IFT46: variants seen among roughly 807,000 people sequenced by gnomAD.
The protein encoded by IFT46 is intraflagellar transport 46, also known as intraflagellar transport protein 46 homolog.
A neutral mutation model predicts 39.6 loss-of-function variants in IFT46; 19 were observed. That is an observed-to-expected ratio of 0.48 (90% CI 0.33 to 0.70). The LOEUF (loss-of-function observed/expected upper bound fraction) is 0.70. Ranked by LOEUF, IFT46 falls within the 30% of genes least tolerant of loss-of-function variation. The pLI is 0.01. For synonymous variants in IFT46, 117 were observed against 134.8 expected (o/e 0.87, Z 0.91); for missense variants, 334 against 364.8 (o/e 0.92, Z 0.69).
upstream of IFT46, among the ~76,000 whole-genome samples, chr11:118,567,577 A>G (rs1205027064): frequency 2.0e-5 from 3 of 152,206 alleles, no homozygotes; most frequent in Non-Finnish European, 4.4e-5. Flanking sequence ...CTCCGTCTCA[A>G]AATAATAATA....
At chr11:118,571,024 T>G (rs1393330877), upstream of IFT46, among the ~76,000 whole-genome samples, 1 of 152,134 alleles carries the variant, frequency 6.6e-6, no homozygotes, top group Admixed American at 6.6e-5. Flanking sequence ...TCTAGGATCA[T>G]GCCACCATGC....
At chr11:118,568,689 C>T (rs1323079124), upstream of IFT46, among the ~76,000 whole-genome samples, 1 of 151,354 alleles carries the variant, frequency 6.6e-6, no homozygotes, top group East Asian at 2.0e-4. Flanking sequence ...TTTTTTGAGA[C>T]AGGGTCTCAC....
chr11:118,558,635 G>T (rs1463729990), intron 3 of IFT46, among the ~76,000 whole-genome samples: 2 of 152,006 alleles, frequency 1.3e-5, no homozygotes, highest in African/African-American at 4.8e-5. Flanking sequence ...CAGCCATCAG[G>T]CTGGGTACAG....
chr11:118,556,795 A>C, intron 4 of IFT46, 111 bp downstream of exon 4: 7 of 1,306,278 alleles, frequency 5.4e-6, no homozygotes, highest in South Asian at 2.0e-5. Context: ...TCCTAAATAC[A>C]GGAGATCAAA....
At chr11:118,568,569 T>TA (rs1938276093), upstream of IFT46, among the ~76,000 whole-genome samples, 1 of 151,886 alleles carries the variant, frequency 6.6e-6, no homozygotes, top group Admixed American at 6.6e-5. Flanking sequence ...AAATAAATAA[T>TA]AAATAAATAA....
At chr11:118,552,172 G>A (rs782051220) in intron 8 of IFT46, 42 bp downstream of exon 8, 2 of 1,610,368 alleles carry the variant, frequency 1.2e-6, no homozygotes, top group Admixed American at 3.3e-5. Flanking sequence ...GGTAGTGAAG[G>A]TTACTATGTG....
At chr11:118,557,694 C>T in intron 3 of IFT46, 1 of 1,608,766 alleles carries the variant, frequency 6.2e-7, no homozygotes. Context: ...TACACATTCT[C>T]TCTCAAGATA....
exon 1 of IFT46, chr11:118,572,756 G>C: frequency 1.9e-6 from 1 of 519,556 alleles, no homozygotes; most frequent in Non-Finnish European, 3.4e-6. Context: ...CTGTCGTCGT[G>C]CCCGCTTCCG....
At chr11:118,547,744 C>CTTTTTTTTTTTTTTTT (rs1233612951) in intron 9 of IFT46, among the ~76,000 whole-genome samples, 19 of 91,186 alleles carry the variant, frequency 2.1e-4, no homozygotes, top group South Asian at 5.6e-4. Flanking sequence ...CTTTTCTTTT[C>CTTTTTTTTTTTTTTTT]TTTTTTTTTT....
upstream of IFT46, among the ~76,000 whole-genome samples, chr11:118,570,426 A>C (rs1238622810): frequency 6.6e-6 from 1 of 152,126 alleles, no homozygotes; most frequent in Non-Finnish European, 1.5e-5. Flanking sequence ...CAAATGCTTA[A>C]CTTTTTTGAT....
At chr11:118,561,126 A>T (rs761716857) in intron 2 of IFT46, 2 of 1,480,142 alleles carry the variant, frequency 1.4e-6, no homozygotes, top group Non-Finnish European at 1.9e-6. Flanking sequence ...TGCTATTTGG[A>T]TACAGGTCTT....
Position 118,559,769 on chromosome 11 carries a change from G to GTACCT in IFT46, c.45+15_45+16insAGGTA. On this transcript the variant is annotated intron_variant, in intron 3 of 11. Transcript: ENST00000264021. ...CAAAGCAGAAATTCTACAAGAAGCT[G>GTACCT]TGAGTTTTACTGTACCTTGTTATTT... 1 of 1,603,338 alleles carries GTACCT rather than the reference G, an allele frequency of 6.2e-7. No individual in the cohort carries two copies. The highest frequency in any genetic ancestry group is 2.2e-5 in the East Asian group (1 of 44,756).
chr11:118,546,126 A>G, intron 9 of IFT46: 1 of 718,584 alleles, frequency 1.4e-6, no homozygotes, highest in East Asian at 2.7e-5. Context: ...TAGGAAGAAG[A>G]AATCAGGACA....
At chr11:118,572,481 T>C in intron 1 of IFT46, 1 of 1,573,902 alleles carries the variant, frequency 6.4e-7, no homozygotes. Flanking sequence ...GGTGCTCCCG[T>C]TCCCCAGACC....
chr11:118,552,341 AAAGT>A lies in IFT46; in HGVS notation c.484-10_484-7del. ...CTTTTTACTTTCATATGTTGCTAGG[AAAGT>A]AAGGAGAAAGCCTAGCTGATGGCAC... On this transcript the variant is annotated splice_polypyrimidine_tract_variant and splice_region_variant and intron_variant, in intron 7 of 11. Transcript: ENST00000264021. 1 of 1,613,926 alleles carries A rather than the reference AAAGT, an allele frequency of 6.2e-7. No individual in the cohort carries two copies. Among genetic ancestry groups the A allele is most frequent in the Non-Finnish European group, 8.5e-7 (1 of 1,179,964 alleles).
chr11:118,555,008 A>G lies in IFT46; in HGVS notation c.336T>C (p.Asp112=). 6.2e-7 allele frequency: 1 copy of G among 1,612,876 alleles called. No homozygotes were observed. Among genetic ancestry groups the G allele is most frequent in the Non-Finnish European group, 8.5e-7 (1 of 1,178,850 alleles). Residue 112 remains aspartate (D), a synonymous_variant, in exon 6 of 12, where the codon GAT becomes GAC. Coordinates refer to ENST00000264021, the MANE Select transcript of IFT46 (RefSeq NM_001168618.2). ...ACTATACCTTTAAGAATGCATCAAT[A>G]TCCCCGACAGCTGGGATAAAATCAG... The part of the protein sequence containing the change: ...FIPDFIPAVG[D]IDAFLKVPRP...
chr11:118,573,750 CT>C (rs1331343023), upstream of IFT46: 7 of 668,232 alleles, frequency 1.0e-5, no homozygotes, highest in Non-Finnish European at 1.9e-5. Context: ...CATGCTTGGA[CT>C]TTAGGCCACT....
intron 10 of IFT46, 143 bp from the exon 11 acceptor site, chr11:118,545,637 G>T: frequency 9.3e-7 from 1 of 1,072,042 alleles, no homozygotes; most frequent in Non-Finnish European, 1.4e-6. Context: ...AGTCACATAA[G>T]CCAAACACCA....
chr11:118,562,220 T>C (rs1555070696), intron 2 of IFT46, among the ~76,000 whole-genome samples: 2 of 150,906 alleles, frequency 1.3e-5, no homozygotes, highest in Non-Finnish European at 2.9e-5. Context: ...GAGGTTGCAG[T>C]GGGCCGAGAT....
Sources: gnomAD v4.1 joint callset for allele counts (sites outside exome capture counted in the v4.1 genomes callset) on GRCh38, gnomAD v4.1.1 for gene constraint, MANE v1.5 for transcripts, NCBI Gene and HGNC (gene_info 2026-07-23, HGNC 2026-07-21) for gene names.